Variants in FANCA observed in about 807,000 individuals in gnomAD.
The protein encoded by FANCA is Fanconi anemia group A protein.
In FANCA, 236 loss-of-function variants were observed where a neutral mutation model predicts 194.3. The observed-to-expected ratio is 1.21, with a 90% CI of 1.09 to 1.35. The LOEUF is 1.35. Among genes scored for constraint, FANCA ranks in the 40% most tolerant of loss-of-function variants. FANCA has a pLI of 0.00. For synonymous variants in FANCA, 1,014 were observed against 715.8 expected (o/e 1.42, Z -6.65); for missense variants, 2,628 against 1,813.9 (o/e 1.45, Z -8.15).
rs969577700 is a variant in FANCA, at chr16:89,792,017, G to C, written c.1135C>G (p.Leu379Val). 1.2e-6 allele frequency: 2 copies of C among 1,614,102 alleles called. No individual in the cohort carries two copies. The highest frequency in any genetic ancestry group is 1.7e-6 in the Non-Finnish European group (2 of 1,180,054). ...TGCCAGTGAACCTCCTGCGTTTCCA[G>C]AACTTCTTGCAAATGGCCAACCAAC... ...EELVGHLQEV[L>V]ETQEVHWQRV... Residue 379 changes from leucine to valine, a missense_variant, in exon 13 of 43, where the codon CTG becomes GTG. Coordinates refer to ENST00000389301, the MANE Select transcript of FANCA (RefSeq NM_000135.4).
chr16:89,768,641 G>C (rs1040955504), intron 26 of FANCA, among the ~76,000 whole-genome samples: 2 of 151,942 alleles, frequency 1.3e-5, no homozygotes, highest in African/African-American at 2.4e-5. Context: ...GGACGATAGA[G>C]TGAGACTCTG....
At position 89,765,055 on chromosome 16, in the gene FANCA, G is replaced by C. The variant is rs532032511; in HGVS notation, c.2613C>G (p.Leu871=). ...SPGLIKKFQF[L]MFRLFSEARQ... is the part of the protein sequence containing the mutation. ...GGGCCTCTGAGAACAATCTGAACAT[G>C]AGGAACTGAAACTGAAACAGAGAGT... The change falls in exon 28 of 43, where the codon CTC becomes CTG. Residue 871 remains leucine (L), a synonymous_variant. Coordinates refer to ENST00000389301, the MANE Select transcript of FANCA (RefSeq NM_000135.4). The C allele has an allele frequency of 2.5e-6, 4 of 1,614,172 alleles. No homozygotes were observed. The highest frequency in any genetic ancestry group is 4.5e-5 in the East Asian group (2 of 44,890).
intron 29 of FANCA, among the ~76,000 whole-genome samples, chr16:89,761,233 CA>C (rs1287018149): frequency 6.6e-6 from 1 of 152,230 alleles, no homozygotes; most frequent in African/African-American, 2.4e-5. Context: ...CCCTGGTTAA[CA>C]CGGTGAAACC....
chr16:89,771,657 G>A, intron 23 of FANCA, 21 bp downstream of exon 23: 1 of 1,613,842 alleles, frequency 6.2e-7, no homozygotes, highest in Non-Finnish European at 8.5e-7. Flanking sequence ...CCCCTGCTTT[G>A]TTCTGAGCCC....
intron 30 of FANCA, among the ~76,000 whole-genome samples, chr16:89,758,204 T>C (rs1347090810): frequency 6.6e-6 from 1 of 152,216 alleles, no homozygotes; most frequent in Non-Finnish European, 1.5e-5. Context: ...AAACAACCGA[T>C]GCAGGAAGCT....
chr16:89,780,831 A>C (rs2039675058), intron 17 of FANCA, among the ~76,000 whole-genome samples: 1 of 151,896 alleles, frequency 6.6e-6, no homozygotes, highest in African/African-American at 2.4e-5. Flanking sequence ...TCAGGAGGTC[A>C]AGGTGAGAAG....
At chr16:89,739,863 G>C (rs1434504143) in intron 39 of FANCA, 131 bp downstream of exon 39, 2 of 1,539,644 alleles carry the variant, frequency 1.3e-6, no homozygotes, top group Non-Finnish European at 1.7e-6. Flanking sequence ...TGCTTAATCT[G>C]TCCCAACTAA....
intron 22 of FANCA, among the ~76,000 whole-genome samples, chr16:89,772,542 GC>G (rs1347542223): frequency 6.6e-6 from 1 of 151,138 alleles, no homozygotes; most frequent in Non-Finnish European, 1.5e-5. Flanking sequence ...TGTAGGCCAG[GC>G]ACGGTGGCTC....
Position 89,805,380 on chromosome 16 carries a change from C to T in FANCA, c.609G>A (p.Met203Ile), listed in dbSNP as rs770962359. The T allele has an allele frequency of 6.2e-7, 1 of 1,613,212 alleles. No individual in the cohort carries two copies. Among genetic ancestry groups the T allele is most frequent in the East Asian group, 2.2e-5 (1 of 44,862 alleles). The change falls in exon 7 of 43, where the codon ATG (methionine) becomes ATA (isoleucine). Residue 203 changes from methionine (M) to isoleucine (I), a missense_variant. Met to Ile is a conservative substitution (Grantham distance 10). Transcript: ENST00000389301. The stretch of plus-strand genomic sequence containing the variant: ...TGAAGAGCCACGATCCCACAGCATG[C>T]ATGTCGGGATGGCTGGAGACACACA... ...LQELLESHPD[M>I]HAVGSWLFRN...
Position 89,773,344 on chromosome 16 carries a change from C to T in FANCA, c.1941G>A (p.Glu647=), listed in dbSNP as rs17232917. Reference sequence around the variant, plus strand: ...CAGCTGTGAGCTGTCCCAGGGGCTCCTCAGCAGAGTTGGGTTCTGCCCTCA... The same window carrying T: ...CAGCTGTGAGCTGTCCCAGGGGCTCTTCAGCAGAGTTGGGTTCTGCCCTCA... The part of the protein sequence containing the change: ...LGVRAEPNSA[E]EPLGQLTAAL... Residue 647 remains glutamate (E), a synonymous_variant, in exon 22 of 43, where the codon GAG becomes GAA. Transcript: ENST00000389301. 6.0e-3 allele frequency: 9,360 copies of T among 1,551,564 alleles called. 516 individuals are homozygous for T. In the African/African-American group the frequency reaches 0.11, roughly 19 times the overall value.
intron 32 of FANCA, 112 bp from the exon 33 acceptor site, chr16:89,748,879 T>G (rs2038483508): frequency 2.4e-6 from 2 of 846,906 alleles, no homozygotes; most frequent in Admixed American, 4.0e-5. Context: ...GGGCCACTGT[T>G]GGAACCAGAG....
chr16:89,748,549 C>G (rs889638954), intron 33 of FANCA, 110 bp downstream of exon 33: 6 of 893,512 alleles, frequency 6.7e-6, no homozygotes, highest in African/African-American at 6.6e-5. Flanking sequence ...GACTTTGAAC[C>G]CTTTCCTCAG....
At chr16:89,780,851 A>G (rs1242036148) in intron 17 of FANCA, among the ~76,000 whole-genome samples, 1 of 151,724 alleles carries the variant, frequency 6.6e-6, no homozygotes, top group Admixed American at 6.6e-5. Context: ...GATCGTTTCA[A>G]CCTAGGAGTT....
At chr16:89,738,803 A>T (rs1362928263) in intron 42 of FANCA, 79 bp downstream of exon 42, 1 of 1,613,620 alleles carries the variant, frequency 6.2e-7, no homozygotes, top group Non-Finnish European at 8.5e-7. Context: ...TTGTATTGCC[A>T]GCCAGGCAGG....
At chr16:89,771,155 CAAAAAAAA>C (rs34471552) in intron 23 of FANCA, among the ~76,000 whole-genome samples, 2 of 56,644 alleles carry the variant, frequency 3.5e-5, no homozygotes, top group African/African-American at 7.3e-5. Flanking sequence ...AAGACTCAGT[CAAAAAAAA>C]AAAAAAAAAA....
At position 89,799,264 on chromosome 16, in the gene FANCA, G is replaced by C. The variant is rs1292540272; in HGVS notation, c.827-32C>G. ...ACAGAGCCAGGAACAGAAAACAGATGTCAGCACACGGCGGCAGCCCACCAG... is the reference window on the plus strand; with the variant it reads ...ACAGAGCCAGGAACAGAAAACAGATCTCAGCACACGGCGGCAGCCCACCAG... On this transcript the variant is annotated intron_variant, in intron 9 of 42. Coordinates refer to ENST00000389301, the MANE Select transcript of FANCA (RefSeq NM_000135.4). 5 of 1,612,768 alleles carry C rather than the reference G, an allele frequency of 3.1e-6. No individual in the cohort carries two copies. The East Asian group carries it at 1.1e-4, about 36-fold the overall frequency.
chr16:89,788,639 A>C (rs74767377), intron 14 of FANCA, among the ~76,000 whole-genome samples: 30 of 152,098 alleles, frequency 2.0e-4, no homozygotes, highest in Non-Finnish European at 3.8e-4. Flanking sequence ...TTTACAAAAA[A>C]ATTTTTTTTA....
intron 8 of FANCA, among the ~76,000 whole-genome samples, chr16:89,801,887 C>CA (rs903618190): frequency 2.7e-5 from 4 of 149,816 alleles, no homozygotes; most frequent in East Asian, 2.0e-4. Flanking sequence ...GACACCGTCT[C>CA]AAAAAAACAC....
At position 89,792,384 on chromosome 16, in the gene FANCA, C is replaced by T. The variant is rs905457193; in HGVS notation, c.1083+87G>A. 13 of 1,390,056 alleles carry T rather than the reference C, an allele frequency of 9.4e-6. No homozygotes were observed. In the African/African-American group the frequency reaches 1.7e-4, roughly 18 times the overall value. The allele number at this position is 1,390,056 out of a possible 1,614,324, so 86.1% of individuals were successfully genotyped here. A position where few individuals can be genotyped will look rare whatever the true frequency, so the allele number is the denominator to read the frequency against. On this transcript the variant is annotated intron_variant, in intron 12 of 42. Transcript: ENST00000389301. ...ATCCCTGAACCTCTCGATGTGCCGT[C>T]CACGGCAGGCAGCATGACAAGTACT... is the stretch of plus-strand genomic sequence containing the variant.
Sources: gnomAD v4.1 joint callset for allele counts (sites outside exome capture counted in the v4.1 genomes callset) on GRCh38, gnomAD v4.1.1 for gene constraint, MANE v1.5 for transcripts, NCBI Gene and HGNC (gene_info 2026-07-23, HGNC 2026-07-21) for gene names.